The following DGKI variants were observed in gnomAD, a reference collection of about 807,000 sequenced individuals.
The protein encoded by DGKI is DAG kinase iota.
A neutral mutation model predicts 147.5 loss-of-function variants in DGKI; 55 were observed. That is an observed-to-expected ratio of 0.37 (90% CI 0.30 to 0.47). The LOEUF is 0.47. DGKI is among the 20% of genes least tolerant of loss of function. The probability of loss-of-function intolerance (pLI) is 1.00; values close to 1 mark genes in which losing one functional copy is unlikely to be tolerated. For synonymous variants in DGKI, 469 were observed against 477.1 expected (o/e 0.98, Z 0.22); for missense variants, 1,007 against 1,323.8 (o/e 0.76, Z 3.71).
rs550193965 is a variant in DGKI at position 137,652,302 on chromosome 7, A to C, written c.738+2430T>G. Among the ~76,000 whole-genome samples, 22 of 152,328 alleles carry C rather than the reference A, an allele frequency of 1.4e-4. 2 individuals carry two copies. In the South Asian group the frequency reaches 4.1e-3, roughly 29 times the overall value. Reference sequence around the variant, plus strand: ...CAGAGAAGTGGTACAGACTAATGAAAACCAAAAGCATCTTGTATTAGAAAA... The same window carrying C: ...CAGAGAAGTGGTACAGACTAATGAACACCAAAAGCATCTTGTATTAGAAAA... On this transcript the variant is annotated intron_variant, in intron 5 of 32. Transcript: ENST00000614521.
intron 15 of DGKI, 96 bp downstream of exon 15, chr7:137,581,754 T>C: frequency 9.6e-7 from 1 of 1,041,702 alleles, no homozygotes; most frequent in South Asian, 1.4e-5. Flanking sequence ...TGAAGCACAC[T>C]GTAAACGCGT....
chr7:137,654,213 T>C (rs1481769304), intron 5 of DGKI, among the ~76,000 whole-genome samples: 1 of 152,156 alleles, frequency 6.6e-6, no homozygotes, highest in Non-Finnish European at 1.5e-5. Context: ...ACTTAACAAA[T>C]GAAAACACTG....
At chr7:137,656,576 T>C (rs752432881) in intron 3 of DGKI, 36 bp from the exon 4 acceptor site, 3 of 1,603,970 alleles carry the variant, frequency 1.9e-6, no homozygotes, top group Non-Finnish European at 2.6e-6. Flanking sequence ...AAAAGAAATG[T>C]TAACAGTCTG....
intron 28 of DGKI, among the ~76,000 whole-genome samples, chr7:137,442,848 T>C (rs1813562741): frequency 1.3e-5 from 2 of 152,306 alleles, no homozygotes; most frequent in African/African-American, 4.8e-5. Flanking sequence ...CATAGTCTAA[T>C]AGGGAAAACA....
chr7:137,773,072 A>C (rs1029757151), intron 1 of DGKI, among the ~76,000 whole-genome samples: 3 of 152,230 alleles, frequency 2.0e-5, no homozygotes, highest in African/African-American at 7.2e-5. Context: ...CTGTACAAGA[A>C]GGGACCCATG....
chr7:137,491,678 T>G (rs911696587), intron 21 of DGKI, among the ~76,000 whole-genome samples: 10 of 152,220 alleles, frequency 6.6e-5, no homozygotes, highest in Non-Finnish European at 1.2e-4. Flanking sequence ...TTGTGGTCCA[T>G]AGTTAGACCT....
At chr7:137,686,228 A>G (rs2116434770) in intron 2 of DGKI, among the ~76,000 whole-genome samples, 1 of 152,368 alleles carries the variant, frequency 6.6e-6, no homozygotes, top group East Asian at 1.9e-4. Context: ...TCAGATACAT[A>G]GAATCAGTTT....
intron 1 of DGKI, among the ~76,000 whole-genome samples, chr7:137,747,261 C>A (rs1334361303): frequency 6.6e-6 from 1 of 152,080 alleles, no homozygotes; most frequent in African/African-American, 2.4e-5. Context: ...ACTTTCAGCC[C>A]TTGTACTCAA....
intron 15 of DGKI, among the ~76,000 whole-genome samples, chr7:137,581,122 G>T (rs1052098180): frequency 1.3e-5 from 2 of 152,072 alleles, no homozygotes; most frequent in Non-Finnish European, 2.9e-5. Context: ...AACTTTATCA[G>T]TTCTAAATGG....
At chr7:137,777,545 A>G (rs1297987775) in intron 1 of DGKI, among the ~76,000 whole-genome samples, 1 of 152,212 alleles carries the variant, frequency 6.6e-6, no homozygotes, top group African/African-American at 2.4e-5. Flanking sequence ...AAGCTTCAAG[A>G]GCTGCTTAAT....
chr7:137,820,673 T>C (rs558407937), intron 1 of DGKI, among the ~76,000 whole-genome samples: 1 of 152,244 alleles, frequency 6.6e-6, no homozygotes, highest in Admixed American at 6.5e-5. Context: ...CTCTGGGGGC[T>C]GTGGGTCTTC....
intron 1 of DGKI, among the ~76,000 whole-genome samples, chr7:137,828,729 C>T (rs1264189774): frequency 6.6e-6 from 1 of 152,180 alleles, no homozygotes; most frequent in East Asian, 1.9e-4. Flanking sequence ...TTGCTCTGTC[C>T]TTGAAGCTCT....
chr7:137,820,521 G>T (rs547623995), intron 1 of DGKI, among the ~76,000 whole-genome samples: 1 of 152,168 alleles, frequency 6.6e-6, no homozygotes, highest in South Asian at 2.1e-4. Flanking sequence ...TGCATAAGAG[G>T]CTCTTCCATG....
chr7:137,427,598 TA>T (rs1413946976), intron 28 of DGKI, among the ~76,000 whole-genome samples: 17 of 152,080 alleles, frequency 1.1e-4, no homozygotes, highest in African/African-American at 4.1e-4. Flanking sequence ...TTCAAAAAAT[TA>T]AAGAATCCAG....
rs377186477 is a variant in DGKI at position 137,846,518 on chromosome 7, G to C, written c.345C>G (p.Asp115Glu). Reference protein sequence around the residue: ...EPAAAGQKEKDEALEEKLRNL... With the variant: ...EPAAAGQKEKEEALEEKLRNL... ...TCCTCAGCTTCTCCTCCAGCGCTTC[G>C]TCCTTCTCCTTCTGGCCGGCGGCCG... Residue 115 changes from aspartate (D) to glutamate (E), a missense_variant, in exon 1 of 33, where the codon GAC becomes GAG. Asp to Glu is a conservative substitution (Grantham distance 45). Coordinates refer to ENST00000614521, the MANE Select transcript of DGKI (RefSeq NM_001321708.2). This position sits in a 1 kb window ranked among gnomAD's most constrained non-coding sequence, Gnocchi z 4.0. 6.5e-5 allele frequency: 103 copies of C among 1,579,592 alleles called. No individual in the cohort carries two copies. In the South Asian group the frequency reaches 7.8e-4, roughly 12 times the overall value.
rs528870748 is a variant in DGKI at position 137,576,029 on chromosome 7, A to ATCTTTT, written c.1761+1187_1761+1192dup. Among the ~76,000 whole-genome samples the ATCTTTT allele has an allele frequency of 3.9e-3, 539 of 137,502 alleles. 7 individuals are homozygous for ATCTTTT. The highest frequency in any genetic ancestry group is 0.016 in the African/African-American group (513 of 32,832). The allele number at this position is 137,502 out of a possible 152,430, so 90.2% of individuals were successfully genotyped here. A position where few individuals can be genotyped will look rare whatever the true frequency, so the allele number is the denominator to read the frequency against. On this transcript the variant is annotated intron_variant, in intron 17 of 32. Coordinates refer to ENST00000614521, the MANE Select transcript of DGKI (RefSeq NM_001321708.2). The stretch of plus-strand genomic sequence containing the variant: ...GTTCTGTTCTCTCTTGTCAAAATTA[A>ATCTTTT]TCTTTTTCTTTTTCTTTTTTTTTTT...
intron 28 of DGKI, among the ~76,000 whole-genome samples, chr7:137,433,266 C>G (rs750292969): frequency 6.6e-6 from 1 of 152,156 alleles, no homozygotes; most frequent in Non-Finnish European, 1.5e-5. Context: ...GTTAAAGTAA[C>G]ATATCTAAGA....
intron 1 of DGKI, among the ~76,000 whole-genome samples, chr7:137,696,461 TTTG>T (rs1823789879): frequency 9.2e-6 from 1 of 109,144 alleles, no homozygotes; most frequent in African/African-American, 3.1e-5. Context: ...TTTTTTTTTT[TTTG>T]CTTAATGTGT....
intron 1 of DGKI, among the ~76,000 whole-genome samples, chr7:137,845,570 C>T (rs552144382): frequency 6.6e-6 from 1 of 152,314 alleles, no homozygotes; most frequent in South Asian, 2.1e-4. Context: ...GTGTCAACAA[C>T]TCTCCAAACC....
Sources: gnomAD v4.1 joint callset for allele counts (sites outside exome capture counted in the v4.1 genomes callset) on GRCh38, gnomAD v4.1.1 for gene constraint, Gnocchi (gnomAD v3.1) non-coding constraint, MANE v1.5 for transcripts, NCBI Gene and HGNC (gene_info 2026-07-23, HGNC 2026-07-21) for gene names.